The following FOXN4 variants were observed in gnomAD, a reference collection of about 807,000 sequenced individuals.
FOXN4 encodes forkhead box N4, also known as forkhead box protein N4.
Under a neutral mutation model 45.0 loss-of-function variants are expected in FOXN4, and 12 were observed. The ratio of observed to expected loss-of-function variants is 0.27; its 90% CI spans 0.17 to 0.43. FOXN4 has a LOEUF of 0.43. FOXN4 is among the 20% of genes least tolerant of loss of function. The pLI, the probability that FOXN4 is intolerant of heterozygous loss-of-function variation, is 1.00. For missense variants in FOXN4, 560 were observed against 694.9 expected (o/e 0.81, Z 2.18); for synonymous variants, 297 against 295.0 (o/e 1.01, Z -0.07).
Position 109,298,419 on chromosome 12 carries a change from T to C in FOXN4, c.87-8133A>G, listed in dbSNP as rs569780820. Among the ~76,000 whole-genome samples, 4 of 151,208 alleles carry C rather than the reference T, an allele frequency of 2.6e-5. No homozygotes were observed. The South Asian group carries it at 6.3e-4, about 24-fold the overall frequency. Reference sequence around the variant, plus strand: ...TTCGCTCTTCTCCAATGGAGTGCAATGGCATGATCTCGGCTCACTGCAACC... The same window carrying C: ...TTCGCTCTTCTCCAATGGAGTGCAACGGCATGATCTCGGCTCACTGCAACC... On this transcript the variant is annotated intron_variant, in intron 2 of 9. Coordinates refer to ENST00000299162, the MANE Select transcript of FOXN4 (RefSeq NM_213596.3).
chr12:109,281,622 G>A lies in FOXN4; in HGVS notation c.1079C>T (p.Pro360Leu). Reference sequence around the variant, plus strand: ...CTGGGGCTGGACCTGGTGGTGCAGGGGGACTGACTGCAGGGACAGGGTCAT... The same window carrying A: ...CTGGGGCTGGACCTGGTGGTGCAGGAGGACTGACTGCAGGGACAGGGTCAT... ...PLMTLSLQSV[P>L]LHHQVQPQAH... Residue 360 changes from proline to leucine, a missense_variant, in exon 9 of 10, where the codon CCC (proline) becomes CTC (leucine). By Grantham distance (98) the Pro-to-Leu change is moderately conservative (BLOSUM62 -3). Transcript: ENST00000299162. 5 of 1,610,278 alleles carry A rather than the reference G, an allele frequency of 3.1e-6. No homozygotes were observed. Among genetic ancestry groups the A allele is most frequent in the South Asian group, 1.1e-5 (1 of 90,460 alleles).
chr12:109,304,185 C>T (rs1199785872), intron 2 of FOXN4, among the ~76,000 whole-genome samples: 7 of 105,744 alleles, frequency 6.6e-5, no homozygotes, highest in Admixed American at 1.2e-4. Flanking sequence ...AGCCAGACTC[C>T]GTCAAAAAAA....
chr12:109,290,369 C>A lies in FOXN4; in HGVS notation c.87-83G>T. On this transcript the variant is annotated intron_variant, in intron 2 of 9. Coordinates refer to ENST00000299162, the MANE Select transcript of FOXN4 (RefSeq NM_213596.3). The surrounding 1 kb of genome is among the most constrained non-coding windows in gnomAD (Gnocchi z 5.1). ...GTGCGTCCCGACCTCTGGAAGCACC[C>A]GCTTAATGTGCCTCATCTCCCCAAG... The A allele has an allele frequency of 7.0e-7, 1 of 1,430,938 alleles. No homozygotes were observed. The highest frequency in any genetic ancestry group is 1.4e-5 in the African/African-American group (1 of 69,352). 88.6% of individuals were successfully genotyped at this position (1,430,938 alleles called of 1,614,324 possible).
rs1158904040 is a variant in FOXN4 at position 109,288,723 on chromosome 12, G to A, written c.233-543C>T. ...ACTTCCCCCATCTTGTGCTGGGCTT[G>A]TGACAGACATTGCTAATCTATCACA... On this transcript the variant is annotated intron_variant, in intron 3 of 9. Coordinates refer to ENST00000299162, the MANE Select transcript of FOXN4 (RefSeq NM_213596.3). This position sits in a 1 kb window ranked among gnomAD's most constrained non-coding sequence, Gnocchi z 4.3. Among the ~76,000 whole-genome samples, 1 of 152,210 alleles carries A rather than the reference G, an allele frequency of 6.6e-6. No homozygotes were observed. Among genetic ancestry groups the A allele is most frequent in the Non-Finnish European group, 1.5e-5 (1 of 68,038 alleles).
chr12:109,279,584 G>A lies in FOXN4; in HGVS notation c.*87C>T. On this transcript the variant is annotated 3_prime_UTR_variant, in exon 10 of 10. Coordinates refer to ENST00000299162, the MANE Select transcript of FOXN4 (RefSeq NM_213596.3). ...CCAGGAGAGGCTTCGGGGACAATGA[G>A]GGACCTGCCTTCTGGGAACACCCTG... 1.3e-6 allele frequency: 2 copies of A among 1,520,940 alleles called. No individual in the cohort carries two copies. Among genetic ancestry groups the A allele is most frequent in the Non-Finnish European group, 1.8e-6 (2 of 1,129,232 alleles). 94.2% of individuals were successfully genotyped at this position (1,520,940 alleles called of 1,614,324 possible). A position where few individuals can be genotyped will look rare whatever the true frequency, so the allele number is the denominator to read the frequency against.
chr12:109,286,306 A>G (rs2047709805), intron 7 of FOXN4, among the ~76,000 whole-genome samples: 1 of 152,220 alleles, frequency 6.6e-6, no homozygotes, highest in Non-Finnish European at 1.5e-5. Context: ...CACCCCTGAC[A>G]GATGAGGATA....
At chr12:109,282,613 A>G (rs1409512821) in intron 8 of FOXN4, among the ~76,000 whole-genome samples, 1 of 152,188 alleles carries the variant, frequency 6.6e-6, no homozygotes, top group Admixed American at 6.5e-5. Flanking sequence ...CTGGGACAAA[A>G]TGTATTAACA....
chr12:109,297,200 G>A (rs2047825658), intron 2 of FOXN4, among the ~76,000 whole-genome samples: 1 of 152,244 alleles, frequency 6.6e-6, no homozygotes, highest in Non-Finnish European at 1.5e-5. Context: ...GGGCTGCACA[G>A]AAGGAGGTGA....
In FOXN4 at chr12:109,288,627, A is replaced by G. The variant is rs910260917; in HGVS notation, c.233-447T>C. On this transcript the variant is annotated intron_variant, in intron 3 of 9. Coordinates refer to ENST00000299162, the MANE Select transcript of FOXN4 (RefSeq NM_213596.3). The surrounding 1 kb of genome is among the most constrained non-coding windows in gnomAD (Gnocchi z 4.3). ...CCCGAGTGCCTCTAGGTTTAGGTCCAAAGTACCTTTGTGCCTCCTCTCCCC... is the reference window on the plus strand; with the variant it reads ...CCCGAGTGCCTCTAGGTTTAGGTCCGAAGTACCTTTGTGCCTCCTCTCCCC... Among the ~76,000 whole-genome samples the G allele has an allele frequency of 2.0e-5, 3 of 152,334 alleles. No individual in the cohort carries two copies. Among genetic ancestry groups the G allele is most frequent in the Admixed American group, 2.0e-4 (3 of 15,302 alleles).
intron 2 of FOXN4, among the ~76,000 whole-genome samples, chr12:109,296,522 T>C (rs2047818590): frequency 1.3e-5 from 2 of 152,074 alleles, no homozygotes; most frequent in Non-Finnish European, 1.5e-5. Context: ...TTGGCCACAA[T>C]TTTCTTCTGA....
At position 109,288,502 on chromosome 12, in the gene FOXN4, T is replaced by TAAAC. The variant is rs1263392707; in HGVS notation, c.233-326_233-323dup. 1.3e-5 allele frequency among the ~76,000 whole-genome samples: 2 copies of TAAAC among 152,220 alleles called. No individual in the cohort carries two copies. The highest frequency in any genetic ancestry group is 4.8e-5 in the African/African-American group (2 of 41,458). ...TGCTGGGCACATGATAATATCTCAA[T>TAAAC]AAACATGAGTCAATAATAAATGATA... is the stretch of plus-strand genomic sequence containing the variant. On this transcript the variant is annotated intron_variant, in intron 3 of 9. Transcript: ENST00000299162. This position sits in a 1 kb window ranked among gnomAD's most constrained non-coding sequence, Gnocchi z 4.3.
chr12:109,279,452 G>A lies in FOXN4; in HGVS notation c.*219C>T. 1 of 651,278 alleles carries A rather than the reference G, an allele frequency of 1.5e-6. No homozygotes were observed. The highest frequency in any genetic ancestry group is 1.8e-5 in the African/African-American group (1 of 54,926). 40.3% of individuals were successfully genotyped at this position (651,278 alleles called of 1,614,324 possible). ...CACCTTCCTCCATTCTTCTGACTTG[G>A]AAGAGCCCCCAGAAACTGCTCCGGA... On this transcript the variant is annotated 3_prime_UTR_variant, in exon 10 of 10. Transcript: ENST00000299162.
At chr12:109,286,616 C>G in intron 7 of FOXN4, 32 bp downstream of exon 7, 1 of 1,581,234 alleles carries the variant, frequency 6.3e-7, no homozygotes, top group Non-Finnish European at 8.6e-7. Context: ...ACCAGGGCAG[C>G]TCCAGCACCC....
At position 109,287,904 on chromosome 12, in the gene FOXN4, C is replaced by A; in HGVS notation, c.408G>T (p.Pro136=). The change falls in exon 5 of 10, where the codon CCG becomes CCT. Residue 136 remains proline, a synonymous_variant. Coordinates refer to ENST00000299162, the MANE Select transcript of FOXN4 (RefSeq NM_213596.3). The surrounding 1 kb of genome is among the most constrained non-coding windows in gnomAD (Gnocchi z 4.1). Reference sequence around the variant, plus strand: ...GGGTGGCAGGTGAGTACAGATGCGGCGGGTCCTGCAGGCCAGATGAGGGCT... The same window carrying A: ...GGGTGGCAGGTGAGTACAGATGCGGAGGGTCCTGCAGGCCAGATGAGGGCT... ...GGQPSSGLQD[P]PHLYSPATQP... The A allele has an allele frequency of 6.5e-7, 1 of 1,550,050 alleles. No homozygotes were observed. Among genetic ancestry groups the A allele is most frequent in the South Asian group, 1.2e-5 (1 of 84,010 alleles).
Position 109,281,750 on chromosome 12 carries a change from G to T in FOXN4, c.951C>A (p.Pro317=). Reference sequence around the variant, plus strand: ...GGGCCTCTGGTTCCCCCGGTTTGCCGGGGCGCCGGCAGCTTTCAGGCCGGT... The same window carrying T: ...GGGCCTCTGGTTCCCCCGGTTTGCCTGGGCGCCGGCAGCTTTCAGGCCGGT... ...ISDRPESCRR[P]GKPGEPEAPV... The change falls in exon 9 of 10, where the codon CCC becomes CCA. Residue 317 remains proline, a synonymous_variant. Coordinates refer to ENST00000299162, the MANE Select transcript of FOXN4 (RefSeq NM_213596.3). The T allele has an allele frequency of 6.2e-7, 1 of 1,604,720 alleles. No homozygotes were observed.
chr12:109,298,009 G>GA (rs2047833084), intron 2 of FOXN4, among the ~76,000 whole-genome samples: 1 of 152,074 alleles, frequency 6.6e-6, no homozygotes, highest in Non-Finnish European at 1.5e-5. Context: ...CATCTTGATG[G>GA]AAAAAATCTG....
intron 8 of FOXN4, among the ~76,000 whole-genome samples, chr12:109,283,569 G>C (rs1375324855): frequency 6.6e-6 from 1 of 150,686 alleles, no homozygotes; most frequent in East Asian, 2.0e-4. Context: ...TCCGCCTCCT[G>C]GGTTCAAGTG....
At position 109,281,693 on chromosome 12, in the gene FOXN4, C is replaced by T. The variant is rs1281407374; in HGVS notation, c.1008G>A (p.Val336=). The change falls in exon 9 of 10, where the codon GTG becomes GTA. Residue 336 remains valine, a synonymous_variant. Transcript: ENST00000299162. ...GGGAGACAGCCAGGCAGCCATGCGC[C>T]ACGGCCACTGTGGTGGCGTGAGTCA... ...PVLTHATTVA[V]AHGCLAVSQL... 1.2e-6 allele frequency: 2 copies of T among 1,610,862 alleles called. No individual in the cohort carries two copies. Among genetic ancestry groups the T allele is most frequent in the Non-Finnish European group, 1.7e-6 (2 of 1,178,984 alleles).
At chr12:109,297,925 T>A (rs998535096) in intron 2 of FOXN4, among the ~76,000 whole-genome samples, 14 of 152,138 alleles carry the variant, frequency 9.2e-5, no homozygotes, top group Non-Finnish European at 2.1e-4. Context: ...TGGTCACACA[T>A]GGCCAGTGCA....
Sources: allele counts gnomAD v4.1 joint callset (sites outside exome capture counted in the v4.1 genomes callset), GRCh38; gene constraint gnomAD v4.1.1; non-coding constraint Gnocchi (gnomAD v3.1); transcripts MANE v1.5; gene names NCBI Gene and HGNC (gene_info 2026-07-23, HGNC 2026-07-21).